Variants in DOP1A observed in about 807,000 individuals in gnomAD.
The protein encoded by DOP1A is DOP1 leucine zipper like protein A.
Under a neutral mutation model 267.6 loss-of-function variants are expected in DOP1A, and 90 were observed. That is an observed-to-expected ratio of 0.34 (90% confidence interval 0.28 to 0.40). DOP1A has a LOEUF of 0.40. Ranked by LOEUF, DOP1A falls within the 10% of genes least tolerant of loss-of-function variation. The pLI, the probability that DOP1A is intolerant of heterozygous loss-of-function variation, is 1.00. For synonymous variants in DOP1A, 932 were observed against 999.1 expected (o/e 0.93, Z 1.27); for missense variants, 2,437 against 2,900.4 (o/e 0.84, Z 3.67).
At chr6:83,076,582 C>T (rs1289754548) in intron 1 of DOP1A, among the ~76,000 whole-genome samples, 1 of 151,978 alleles carries the variant, frequency 6.6e-6, no homozygotes, top group Non-Finnish European at 1.5e-5. Context: ...GATACCTAAC[C>T]TTACACCCAT....
intron 3 of DOP1A, among the ~76,000 whole-genome samples, 160 bp downstream of exon 3, chr6:83,097,275 G>T (rs1771667257): frequency 6.6e-6 from 1 of 152,150 alleles, no homozygotes; most frequent in Non-Finnish European, 1.5e-5. Flanking sequence ...GCATGCCTGT[G>T]TAGTCAAGCA....
Position 83,100,861 on chromosome 6 carries a change from C to T in DOP1A, c.295C>T (p.Leu99Phe). 6.4e-7 allele frequency: 1 copy of T among 1,553,280 alleles called. No individual in the cohort carries two copies. The highest frequency in any genetic ancestry group is 8.7e-7 in the Non-Finnish European group (1 of 1,150,716). Residue 99 changes from leucine to phenylalanine, a missense_variant, in exon 4 of 39, where the codon CTT becomes TTT. Leu to Phe is a conservative substitution (Grantham distance 22). Transcript: ENST00000349129. ...CTTCAAAATAATTGGACCTAAGCGA[C>T]TTGCCAAAGATCTTTTTTTATATAG... Reference protein sequence around the residue: ...IIFKIIGPKRLAKDLFLYSSG... With the variant: ...IIFKIIGPKRFAKDLFLYSSG...
At chr6:83,166,254 GGCAGCTCTCTTATAGTTGTA>G (rs1482889011) in intron 38 of DOP1A, 5 of 522,162 alleles carry the variant, frequency 9.6e-6, no homozygotes, top group Non-Finnish European at 1.7e-5. Flanking sequence ...TGAGTTCTTG[GGCAGCTCTCTTATAGTTGTA>G]AGAGGATCAG....
rs779866847 is a variant in DOP1A, at chr6:83,159,697, G to T, written c.6798-99G>T. 2.3e-6 allele frequency: 3 copies of T among 1,331,156 alleles called. No individual in the cohort carries two copies. The African/African-American group carries it at 4.4e-5, about 19-fold the overall frequency. The allele number at this position is 1,331,156 out of a possible 1,614,324, so 82.5% of individuals were successfully genotyped here. On this transcript the variant is annotated intron_variant, in intron 36 of 38. Coordinates refer to ENST00000349129, the MANE Select transcript of DOP1A (RefSeq NM_015018.4). ...GCAATTACTGGCACATTTATCTCAG[G>T]ATGATTATGAAAAATATTAGCTGGT... is the stretch of plus-strand genomic sequence containing the variant.
At chr6:83,150,656 ATAATTTATCTTT>A (rs1305469359) in intron 27 of DOP1A, among the ~76,000 whole-genome samples, 64 of 152,200 alleles carry the variant, frequency 4.2e-4, no homozygotes, top group African/African-American at 1.5e-3. Context: ...AATTGTGCAT[ATAATTTATCTTT>A]TAAAAAACCA....
In DOP1A at chr6:83,119,771, A is replaced by C. The variant is rs142298505; in HGVS notation, c.904A>C (p.Ile302Leu). The change falls in exon 9 of 39, where the codon ATA becomes CTA. Residue 302 changes from isoleucine to leucine, a missense_variant. Physicochemically the swap from Ile to Leu is conservative, Grantham distance 5. Transcript: ENST00000349129. ...AGGTTTTGATAACAACGGTGCTATC[A>C]TAGGACCCAGAAGCACAAGACACAG... is the stretch of plus-strand genomic sequence containing the variant. ...LLGFDNNGAI[I>L]GPRSTRHSNP... is the part of the protein sequence containing the mutation. 5.5e-5 allele frequency: 88 copies of C among 1,612,954 alleles called. No homozygotes were observed. The African/African-American group carries it at 1.1e-3, about 20-fold the overall frequency.
At chr6:83,132,455 G>C (rs1778220052) in intron 18 of DOP1A, 127 bp downstream of exon 18, 1 of 1,037,232 alleles carries the variant, frequency 9.6e-7, no homozygotes, top group South Asian at 2.6e-5. Context: ...AAATAGCTTT[G>C]TTCACAGTGA....
chr6:83,119,685 A>G (rs1776045933), intron 8 of DOP1A, 63 bp from the exon 9 acceptor site: 27 of 1,409,732 alleles, frequency 1.9e-5, no homozygotes, highest in Non-Finnish European at 2.5e-5. Context: ...CTGTTTTGGT[A>G]TTTAGTGAAC....
At chr6:83,165,756 C>A in intron 38 of DOP1A, 2 of 238,022 alleles carry the variant, frequency 8.4e-6, no homozygotes, top group South Asian at 1.1e-4. Flanking sequence ...GTTCAATTTT[C>A]GAAGCGTTGG....
At chr6:83,108,260 GCCTCTACCTCCCAGGTTCAAGCAGT>G (rs1343082389) in intron 4 of DOP1A, among the ~76,000 whole-genome samples, 1 of 152,118 alleles carries the variant, frequency 6.6e-6, no homozygotes, top group African/African-American at 2.4e-5. Flanking sequence ...GCTCATTGCA[GCCTCTACCTCCCAGGTTCAAGCAGT>G]CCTCTACTCT....
At chr6:83,123,257 T>TTG (rs1554235287) in intron 12 of DOP1A, among the ~76,000 whole-genome samples, 5 of 151,828 alleles carry the variant, frequency 3.3e-5, no homozygotes, top group African/African-American at 1.2e-4. Flanking sequence ...ATCCAGTTTT[T>TTG]TTGTTGTAGA....
intron 24 of DOP1A, among the ~76,000 whole-genome samples, chr6:83,142,765 C>A (rs902900212): frequency 5.9e-5 from 9 of 151,486 alleles, no homozygotes; most frequent in Admixed American, 6.6e-5. Context: ...TTTTTTTCTA[C>A]TTTTTTTGGT....
intron 4 of DOP1A, among the ~76,000 whole-genome samples, chr6:83,101,526 T>C (rs962291969): frequency 3.3e-5 from 5 of 152,222 alleles, no homozygotes; most frequent in Non-Finnish European, 7.3e-5. Flanking sequence ...TTCAACATGG[T>C]TGACTCTTCT....
rs1230553530 is a variant in DOP1A, at chr6:83,140,232, T to C, written c.5244T>C (p.Ser1748=). ...PTTQYHQLLV[S]VDQKHLFEAR... is the part of the protein sequence containing the mutation. ...CCAACTGTTAATAGCTTTTGGTCAG[T>C]GTAGACCAGAAACACTTGTTTGAAG... The change falls in exon 23 of 39, where the codon AGT becomes AGC. Residue 1748 remains serine (S), a synonymous_variant. Transcript: ENST00000349129. 6.2e-7 allele frequency: 1 copy of C among 1,612,210 alleles called. No individual in the cohort carries two copies. Among genetic ancestry groups the C allele is most frequent in the African/African-American group, 1.3e-5 (1 of 74,918 alleles).
intron 3 of DOP1A, among the ~76,000 whole-genome samples, chr6:83,099,337 C>T (rs1772104770): frequency 6.6e-6 from 1 of 152,198 alleles, no homozygotes; most frequent in African/African-American, 2.4e-5. Flanking sequence ...GATGTTAGAA[C>T]TTCTAACATT....
intron 4 of DOP1A, among the ~76,000 whole-genome samples, chr6:83,104,867 G>A (rs904224780): frequency 6.6e-6 from 1 of 151,758 alleles, no homozygotes; most frequent in African/African-American, 2.4e-5. Context: ...CTTATCAGGA[G>A]TTTATCAATT....
chr6:83,132,040 C>G (rs1057461776), intron 17 of DOP1A, 136 bp from the exon 18 acceptor site: 7 of 992,228 alleles, frequency 7.1e-6, no homozygotes, highest in Non-Finnish European at 5.8e-6. Context: ...CCTTAGTAAC[C>G]TCATCCCCAT....
intron 1 of DOP1A, 56 bp from the exon 2 acceptor site, chr6:83,096,675 A>G (rs1388585085): frequency 2.4e-6 from 1 of 413,962 alleles, no homozygotes; most frequent in Non-Finnish European, 4.3e-6. Flanking sequence ...TAAGTATAAG[A>G]AAATTTTCTA....
chr6:83,169,751 C>T (rs879883704), downstream of DOP1A: 5 of 458,044 alleles, frequency 1.1e-5, no homozygotes, highest in Non-Finnish European at 2.2e-5. Flanking sequence ...CTATTCAGCG[C>T]ACTCACTGTA....
Sources: gnomAD v4.1 joint callset for allele counts (sites outside exome capture counted in the v4.1 genomes callset) on GRCh38, gnomAD v4.1.1 for gene constraint, MANE v1.5 for transcripts, NCBI Gene and HGNC (gene_info 2026-07-23, HGNC 2026-07-21) for gene names.